The following PPP1R12B variants were observed in gnomAD, a reference collection of about 807,000 sequenced individuals.
PPP1R12B encodes myosin phosphatase target subunit 2.
In PPP1R12B, 76 loss-of-function variants were observed where a neutral mutation model predicts 126.1. The observed-to-expected ratio is 0.60, with a 90% CI of 0.50 to 0.73. The LOEUF (loss-of-function observed/expected upper bound fraction) is 0.73, where lower values mean the gene tolerates loss of function less well. Among genes scored for constraint, PPP1R12B ranks in the 30% least tolerant of loss-of-function variants. The pLI is 0.00. For missense variants in PPP1R12B, 1,052 were observed against 1,205.1 expected (o/e 0.87, Z 1.88); for synonymous variants, 356 against 434.7 (o/e 0.82, Z 2.25).
chr1:202,564,503 C>G lies in PPP1R12B; in HGVS notation c.2713C>G (p.Leu905Val). The G allele has an allele frequency of 6.2e-7, 1 of 1,612,774 alleles. No individual in the cohort carries two copies. The highest frequency in any genetic ancestry group is 8.5e-7 in the Non-Finnish European group (1 of 1,179,504). The part of the protein sequence containing the change: ...KLKTKLQEAQ[L>V]ELADIKSKLE... ...GAAAACAAAACTTCAGGAAGCCCAG[C>G]TAGAGCTAGCAGATATAAAGTCCAA... Residue 905 changes from leucine (L) to valine (V), a missense_variant, in exon 21 of 24, where the codon CTA becomes GTA. Coordinates refer to ENST00000608999, the MANE Select transcript of PPP1R12B (RefSeq NM_002481.4).
intron 1 of PPP1R12B, among the ~76,000 whole-genome samples, chr1:202,359,221 TGCAACC>T (rs1657690012): frequency 6.6e-6 from 1 of 151,998 alleles, no homozygotes; most frequent in Admixed American, 6.6e-5. Context: ...CTTGGCCCAC[TGCAACC>T]TCCACCTCCC....
chr1:202,359,291 C>G (rs530073704), intron 1 of PPP1R12B, among the ~76,000 whole-genome samples: 1 of 152,006 alleles, frequency 6.6e-6, no homozygotes, highest in East Asian at 2.0e-4. Flanking sequence ...CCCCCACGCC[C>G]GGCTAATTTT....
rs71142531 is a variant in PPP1R12B at position 202,446,256 on chromosome 1, A to ATTTTT, written c.1668-2722_1668-2718dup. ...TCTCTCTATATATATATATATATAT[A>ATTTTT]TTTTTTTTTTTTTTTGAGATGGAAT... On this transcript the variant is annotated intron_variant, in intron 12 of 23. Coordinates refer to ENST00000608999, the MANE Select transcript of PPP1R12B (RefSeq NM_002481.4). 7.8e-3 allele frequency among the ~76,000 whole-genome samples: 425 copies of ATTTTT among 54,322 alleles called. 17 individuals are homozygous for ATTTTT. Among genetic ancestry groups the ATTTTT allele is most frequent in the African/African-American group, 0.018 (258 of 14,058 alleles). The allele number at this position is 54,322 out of a possible 152,430, so 35.6% of individuals were successfully genotyped here. A position where few individuals can be genotyped will look rare whatever the true frequency, so the allele number is the denominator to read the frequency against.
At chr1:202,548,804 CTCTCTATATA>C (rs1291734731) in intron 18 of PPP1R12B, among the ~76,000 whole-genome samples, 1,117 of 82,202 alleles carry the variant, frequency 0.014, 4 homozygotes, top group East Asian at 0.048. Flanking sequence ...CTCTCTCTCT[CTCTCTATATA>C]TATATATATA....
intron 1 of PPP1R12B, among the ~76,000 whole-genome samples, chr1:202,382,987 A>C (rs1426839279): frequency 1.3e-5 from 2 of 152,244 alleles, no homozygotes; most frequent in East Asian, 3.8e-4. Context: ...TGATCCATCA[A>C]ATTTTTTAGA....
chr1:202,477,226 A>G (rs1572199580), intron 13 of PPP1R12B, among the ~76,000 whole-genome samples: 1 of 152,216 alleles, frequency 6.6e-6, no homozygotes, highest in Non-Finnish European at 1.5e-5. Flanking sequence ...AGTAGCAGCA[A>G]ACGTGTGCCA....
At chr1:202,374,473 C>T (rs1392827275) in intron 1 of PPP1R12B, among the ~76,000 whole-genome samples, 1 of 147,280 alleles carries the variant, frequency 6.8e-6, no homozygotes, top group Non-Finnish European at 1.5e-5. Flanking sequence ...TCAAATCCAT[C>T]TGCTTTCATT....
chr1:202,402,930 T>G (rs1666059118), intron 1 of PPP1R12B, among the ~76,000 whole-genome samples: 1 of 152,198 alleles, frequency 6.6e-6, no homozygotes, highest in Non-Finnish European at 1.5e-5. Context: ...ATTACTAATG[T>G]CTGAAATGGG....
At chr1:202,407,449 G>A (rs1340637777) in intron 1 of PPP1R12B, among the ~76,000 whole-genome samples, 2 of 152,016 alleles carry the variant, frequency 1.3e-5, no homozygotes, top group African/African-American at 4.8e-5. Flanking sequence ...CTGCTCTCTC[G>A]GCTGTCTCTC....
At chr1:202,367,402 A>G (rs1249668363) in intron 1 of PPP1R12B, among the ~76,000 whole-genome samples, 1 of 152,194 alleles carries the variant, frequency 6.6e-6, no homozygotes, top group Admixed American at 6.5e-5. Context: ...TTAGACTAAG[A>G]TGAGGATAAA....
intron 13 of PPP1R12B, among the ~76,000 whole-genome samples, chr1:202,455,596 TTTTG>T (rs1340335920): frequency 2.6e-5 from 4 of 152,238 alleles, no homozygotes; most frequent in African/African-American, 9.6e-5. Context: ...TAATGCCACA[TTTTG>T]TTTGTCCATT....
chr1:202,556,107 C>A (rs1261553500), intron 18 of PPP1R12B, among the ~76,000 whole-genome samples: 1 of 152,116 alleles, frequency 6.6e-6, no homozygotes, highest in Non-Finnish European at 1.5e-5. Context: ...AACTCCTGAC[C>A]TCAAGTGATC....
intron 18 of PPP1R12B, among the ~76,000 whole-genome samples, chr1:202,515,723 C>A (rs561599276): frequency 2.6e-5 from 4 of 152,108 alleles, no homozygotes; most frequent in African/African-American, 7.2e-5. Flanking sequence ...CCAGCTAATT[C>A]TTTTTATTTT....
chr1:202,498,609 A>G (rs1315297614), intron 18 of PPP1R12B, among the ~76,000 whole-genome samples: 1 of 152,178 alleles, frequency 6.6e-6, no homozygotes, highest in Admixed American at 6.5e-5. Flanking sequence ...GCATGATGCC[A>G]TTATCTATAT....
chr1:202,434,563 T>A, intron 8 of PPP1R12B, 93 bp from the exon 9 acceptor site: 2 of 1,470,912 alleles, frequency 1.4e-6, no homozygotes, highest in Non-Finnish European at 1.8e-6. Flanking sequence ...GTTTTGATAA[T>A]GGGCAAATCT....
chr1:202,586,356 GGAA>G lies in PPP1R12B; in HGVS notation c.*5798_*5800del, dbSNP rs1343831559. On this transcript the variant is annotated 3_prime_UTR_variant, in exon 24 of 24. Transcript: ENST00000608999. ...AGGGGCTTTGGACATAGAGCAGGGT[GGAA>G]GCTGCAAGTACTGGGAAGGAAGAGA... is the stretch of plus-strand genomic sequence containing the variant. 6.6e-6 allele frequency: 1 copy of G among 152,298 alleles called. No individual in the cohort carries two copies. Among genetic ancestry groups the G allele is most frequent in the African/African-American group, 2.4e-5 (1 of 41,464 alleles). The allele number at this position is 152,298 out of a possible 1,614,324, so 9.4% of individuals were successfully genotyped here. A position where few individuals can be genotyped will look rare whatever the true frequency, so the allele number is the denominator to read the frequency against.
intron 15 of PPP1R12B, among the ~76,000 whole-genome samples, chr1:202,493,886 G>A (rs1265198323): frequency 4.6e-5 from 7 of 152,142 alleles, no homozygotes; most frequent in Admixed American, 2.6e-4. Flanking sequence ...ATAAACCTAA[G>A]GGGCTTACAA....
chr1:202,565,572 C>T lies in PPP1R12B; in HGVS notation c.2757+1025C>T, dbSNP rs1687974704. Among the ~76,000 whole-genome samples the T allele has an allele frequency of 6.6e-6, 1 of 152,100 alleles. No homozygotes were observed. The highest frequency in any genetic ancestry group is 6.6e-5 in the Admixed American group (1 of 15,264). On this transcript the variant is annotated intron_variant, in intron 21 of 23. Transcript: ENST00000608999. This position sits in a 1 kb window ranked among gnomAD's most constrained non-coding sequence, Gnocchi z 4.3. ...AGGGTGCCAACACTTGGAAGACAGC[C>T]CCACAGAGCTGCGTAGGACTCCAGC...
At chr1:202,370,321 T>C (rs1249342358) in intron 1 of PPP1R12B, among the ~76,000 whole-genome samples, 2 of 152,194 alleles carry the variant, frequency 1.3e-5, no homozygotes, top group East Asian at 3.9e-4. Context: ...GTATCCATAG[T>C]TTATTGTTTT....
Sources: allele counts gnomAD v4.1 joint callset (sites outside exome capture counted in the v4.1 genomes callset), GRCh38; gene constraint gnomAD v4.1.1; non-coding constraint Gnocchi (gnomAD v3.1); transcripts MANE v1.5; gene names NCBI Gene and HGNC (gene_info 2026-07-23, HGNC 2026-07-21).